MED22: variants seen among roughly 807,000 people sequenced by gnomAD.
The protein encoded by MED22 is mediator complex subunit 22.
Under a neutral mutation model 22.7 loss-of-function variants are expected in MED22, and 22 were observed. That is an observed-to-expected ratio of 0.97 (90% confidence interval 0.69 to 1.38). The LOEUF (loss-of-function observed/expected upper bound fraction) is 1.38. Ranked by LOEUF, MED22 falls within the 40% of genes most tolerant of loss-of-function variation. MED22 has a pLI of 0.00. For synonymous variants in MED22, 134 were observed against 119.4 expected (o/e 1.12, Z -0.80); for missense variants, 247 against 263.0 (o/e 0.94, Z 0.42).
At chr9:133,344,650 C>T (rs2129962371) in intron 3 of MED22, among the ~76,000 whole-genome samples, 17 of 152,300 alleles carry the variant, frequency 1.1e-4, no homozygotes, top group African/African-American at 4.1e-4. Context: ...AACTGCGATC[C>T]CATTTTGCCT....
intron 2 of MED22, chr9:133,346,261 G>C: frequency 2.7e-6 from 1 of 363,726 alleles, no homozygotes; most frequent in East Asian, 5.9e-5. Flanking sequence ...GCCAGGCCCC[G>C]AGGTAACTGT....
At chr9:133,346,020 G>A (rs1836169067) in intron 2 of MED22, among the ~76,000 whole-genome samples, 2 of 152,218 alleles carry the variant, frequency 1.3e-5, no homozygotes, top group Non-Finnish European at 1.5e-5. Flanking sequence ...ACCTCACAAC[G>A]TGGCTTGATA....
intron 2 of MED22, 94 bp downstream of exon 2, chr9:133,346,446 G>C: frequency 6.6e-7 from 1 of 1,516,376 alleles, no homozygotes; most frequent in Non-Finnish European, 9.0e-7. Context: ...TTCCTGCCTA[G>C]AACACTATTC....
Position 133,344,323 on chromosome 9 carries a change from C to T in MED22, c.215G>A (p.Gly72Asp). The change falls in exon 4 of 5, where the codon GGC becomes GAC. Residue 72 changes from glycine (G) to aspartate (D), a missense_variant. Gly to Asp is a moderately conservative substitution (Grantham distance 94). Coordinates refer to ENST00000343730, the MANE Select transcript of MED22 (RefSeq NM_133640.5). ...GGACACCAGCTTCATCAGGGACTCG[C>T]CGGCTCGGACCTGTGGCCATCAGAA... is the stretch of plus-strand genomic sequence containing the variant. ...HVRAANIVRA[G>D]ESLMKLVSDL... 6.2e-7 allele frequency: 1 copy of T among 1,614,000 alleles called. No homozygotes were observed. The highest frequency in any genetic ancestry group is 1.3e-5 in the African/African-American group (1 of 75,038).
intron 4 of MED22, 117 bp downstream of exon 4, chr9:133,344,008 A>G: frequency 6.6e-7 from 1 of 1,520,810 alleles, no homozygotes; most frequent in Non-Finnish European, 8.8e-7. Context: ...AAACCCAGGC[A>G]TGGCTCCACT....
chr9:133,346,783 A>G, intron 1 of MED22, 83 bp from the exon 2 acceptor site: 1 of 1,185,196 alleles, frequency 8.4e-7, no homozygotes, highest in African/African-American at 1.5e-5. Flanking sequence ...GAACACGCAG[A>G]TTTCTGGGGA....
chr9:133,344,405 T>C (rs1588679849), intron 3 of MED22, 72 bp from the exon 4 acceptor site: 1 of 1,517,006 alleles, frequency 6.6e-7, no homozygotes, highest in Non-Finnish European at 9.1e-7. Context: ...TAGCTGATGC[T>C]GGGCAAGGGA....
intron 3 of MED22, 98 bp downstream of exon 3, chr9:133,345,074 A>T: frequency 1.7e-6 from 2 of 1,199,906 alleles, no homozygotes; most frequent in Non-Finnish European, 2.4e-6. Flanking sequence ...GGGGAAGAAG[A>T]CCAGACCAGC....
In MED22 at chr9:133,341,257, A is replaced by T; in HGVS notation, c.*248T>A. Reference sequence around the variant, plus strand: ...GAAACTTTCTTCCACCTGGCTGGCCAGGAAGGCAGCAAACAGAGATGATGA... The same window carrying T: ...GAAACTTTCTTCCACCTGGCTGGCCTGGAAGGCAGCAAACAGAGATGATGA... On this transcript the variant is annotated 3_prime_UTR_variant, in exon 5 of 5. Coordinates refer to ENST00000343730, the MANE Select transcript of MED22 (RefSeq NM_133640.5). The T allele has an allele frequency of 2.4e-6, 1 of 412,258 alleles. No individual in the cohort carries two copies. The highest frequency in any genetic ancestry group is 4.2e-6 in the Non-Finnish European group (1 of 236,308). 25.5% of individuals were successfully genotyped at this position (412,258 alleles called of 1,614,324 possible).
intron 4 of MED22, chr9:133,343,187 G>C (rs2129955976): frequency 1.2e-4 from 130 of 1,093,358 alleles, no homozygotes; most frequent in Non-Finnish European, 1.4e-4. Flanking sequence ...GCTGGCTCTG[G>C]ATATCTGTGG....
chr9:133,345,120 G>A, intron 3 of MED22, 52 bp downstream of exon 3: 1 of 1,584,098 alleles, frequency 6.3e-7, no homozygotes, highest in Non-Finnish European at 8.6e-7. Flanking sequence ...GGAAACCTGA[G>A]GGGACTGATG....
At chr9:133,342,089 C>T in intron 4 of MED22, 1 of 1,075,952 alleles carries the variant, frequency 9.3e-7, no homozygotes. Flanking sequence ...ACCCCAGTGT[C>T]ACTACACTGC....
At chr9:133,347,671 C>T (rs1301010749) in intron 1 of MED22, 1 of 152,960 alleles carries the variant, frequency 6.5e-6, no homozygotes, top group Non-Finnish European at 1.5e-5. Context: ...AGTTGCCTGG[C>T]CCTGGGGCCG....
intron 4 of MED22, chr9:133,342,230 C>T (rs1228494031): frequency 1.0e-6 from 1 of 986,442 alleles, no homozygotes; most frequent in Non-Finnish European, 1.2e-6. Flanking sequence ...CAGGCGGCCT[C>T]CAGCAGGCGT....
chr9:133,339,636 G>A lies in MED22; in HGVS notation c.*1869C>T. The A allele has an allele frequency of 5.2e-6, 2 of 385,498 alleles. No homozygotes were observed. Among genetic ancestry groups the A allele is most frequent in the Non-Finnish European group, 9.6e-6 (2 of 208,726 alleles). The allele number at this position is 385,498 out of a possible 1,614,324, so 23.9% of individuals were successfully genotyped here. ...GACGAAGGAGAATGTGCTCAGAGAG[G>A]CAAACTGACAAGTACTTCCATGAGT... On this transcript the variant is annotated 3_prime_UTR_variant, in exon 5 of 5. Transcript: ENST00000343730.
At position 133,340,548 on chromosome 9, in the gene MED22, T is replaced by C. The variant is rs1177939719; in HGVS notation, c.*957A>G. 2.0e-5 allele frequency: 3 copies of C among 152,244 alleles called. No individual in the cohort carries two copies. The highest frequency in any genetic ancestry group is 4.4e-5 in the Non-Finnish European group (3 of 68,096). 9.4% of individuals were successfully genotyped at this position (152,244 alleles called of 1,614,324 possible). ...GAGCCTGGCACCAAAAGACACTGGG[T>C]CTAGACTTCCATCAGGTTCAAGTTC... On this transcript the variant is annotated 3_prime_UTR_variant, in exon 5 of 5. Coordinates refer to ENST00000343730, the MANE Select transcript of MED22 (RefSeq NM_133640.5).
chr9:133,342,191 C>G, intron 4 of MED22: 1 of 989,464 alleles, frequency 1.0e-6, no homozygotes, highest in African/African-American at 1.7e-5. Context: ...AACACAGGCC[C>G]TGGCACTTCC....
In MED22 at chr9:133,347,993, G is replaced by A; in HGVS notation, c.-110C>T. On this transcript the variant is annotated 5_prime_UTR_variant, in exon 1 of 5. Coordinates refer to ENST00000343730, the MANE Select transcript of MED22 (RefSeq NM_133640.5). Reference sequence around the variant, plus strand: ...TAGGGCGGGGTGGTCAAGTGCCTCTGCGACCCGCACTTTCCCGCGTCTCTC... The same window carrying A: ...TAGGGCGGGGTGGTCAAGTGCCTCTACGACCCGCACTTTCCCGCGTCTCTC... The A allele has an allele frequency of 1.8e-6, 1 of 564,172 alleles. No individual in the cohort carries two copies. Among genetic ancestry groups the A allele is most frequent in the East Asian group, 3.2e-5 (1 of 31,342 alleles). The allele number at this position is 564,172 out of a possible 1,614,324, so 34.9% of individuals were successfully genotyped here.
At chr9:133,346,789 G>A in intron 1 of MED22, 89 bp from the exon 2 acceptor site, 1 of 1,172,168 alleles carries the variant, frequency 8.5e-7, no homozygotes, top group Non-Finnish European at 1.2e-6. Flanking sequence ...GCAGATTTCT[G>A]GGGATTCCCT....
Sources: gnomAD v4.1 joint callset for allele counts (sites outside exome capture counted in the v4.1 genomes callset) on GRCh38, gnomAD v4.1.1 for gene constraint, MANE v1.5 for transcripts, NCBI Gene and HGNC (gene_info 2026-07-23, HGNC 2026-07-21) for gene names.